NBEA: variants seen among roughly 807,000 people sequenced by gnomAD.
NBEA encodes the protein lysosomal-trafficking regulator 2.
Under a neutral mutation model 343.4 loss-of-function variants are expected in NBEA, and 44 were observed. The ratio of observed to expected loss-of-function variants is 0.13; its 90% CI spans 0.10 to 0.16. The LOEUF (loss-of-function observed/expected upper bound fraction) is 0.16. NBEA is among the 10% of genes least tolerant of loss of function. The pLI, the probability that NBEA is intolerant of heterozygous loss-of-function variation, is 1.00. For missense variants in NBEA, 2,555 were observed against 3,631.3 expected (o/e 0.70, Z 7.62); for synonymous variants, 1,175 against 1,238.7 (o/e 0.95, Z 1.08).
intron 38 of NBEA, among the ~76,000 whole-genome samples, chr13:35,359,830 GTA>G (rs960576809): frequency 8.9e-5 from 12 of 134,102 alleles, no homozygotes; most frequent in Admixed American, 2.1e-4. Context: ...GTGTGTGTGT[GTA>G]TGTGTGTGTG....
intron 40 of NBEA, among the ~76,000 whole-genome samples, chr13:35,468,061 C>A (rs1160203979): frequency 6.0e-5 from 9 of 150,570 alleles, no homozygotes; most frequent in African/African-American, 9.8e-5. Flanking sequence ...CCATCGTTGC[C>A]TTTTAATCAC....
At chr13:35,440,036 C>T (rs371109655) in intron 39 of NBEA, among the ~76,000 whole-genome samples, 3 of 152,132 alleles carry the variant, frequency 2.0e-5, no homozygotes, top group South Asian at 2.1e-4. Flanking sequence ...TGCGCCACCA[C>T]GCGCAGCTAA....
chr13:35,139,057 C>CTT (rs36053692), intron 17 of NBEA, among the ~76,000 whole-genome samples: 11,260 of 97,850 alleles, frequency 0.12, 1,790 homozygotes, highest in South Asian at 0.14. Flanking sequence ...CAAGAAATAT[C>CTT]TTTTTTTTTT....
rs184830837 is a variant in NBEA at position 35,534,006 on chromosome 13, G to T, written c.6586-16471G>T. Among the ~76,000 whole-genome samples the T allele has an allele frequency of 7.4e-3, 1,126 of 152,204 alleles. 8 individuals carry two copies. Among genetic ancestry groups the T allele is most frequent in the South Asian group, 0.012 (57 of 4,816 alleles). On this transcript the variant is annotated intron_variant, in intron 41 of 58. Transcript: ENST00000379939. ...ATTTTAATTTATATTTTATTCACTG[G>T]TTATCATTCCTTTAAAGTTGTCAGG... is the stretch of plus-strand genomic sequence containing the variant.
chr13:35,106,111 C>G (rs1035242049), intron 11 of NBEA, among the ~76,000 whole-genome samples: 7 of 151,880 alleles, frequency 4.6e-5, no homozygotes, highest in African/African-American at 1.7e-4. Flanking sequence ...TATAGTACTT[C>G]TTAAAAATTA....
intron 36 of NBEA, among the ~76,000 whole-genome samples, chr13:35,324,044 A>G (rs1037153707): frequency 1.3e-5 from 2 of 152,222 alleles, no homozygotes; most frequent in African/African-American, 2.4e-5. Context: ...GGTAAGATCA[A>G]CTTGGCAATA....
At chr13:35,060,804 A>C (rs1363239967) in intron 8 of NBEA, among the ~76,000 whole-genome samples, 1 of 151,704 alleles carries the variant, frequency 6.6e-6, no homozygotes. Flanking sequence ...AGTAGTTCAC[A>C]CATTATAGTC....
intron 8 of NBEA, among the ~76,000 whole-genome samples, chr13:35,067,617 C>T (rs1278312547): frequency 6.6e-6 from 1 of 152,120 alleles, no homozygotes; most frequent in African/African-American, 2.4e-5. Flanking sequence ...TCTCATCCAT[C>T]TCCTCCTAGT....
At chr13:35,608,787 G>A (rs561953754) in intron 48 of NBEA, among the ~76,000 whole-genome samples, 1 of 151,978 alleles carries the variant, frequency 6.6e-6, no homozygotes, top group African/African-American at 2.4e-5. Flanking sequence ...CTGATAATAA[G>A]TGCCTCTTAC....
At chr13:35,580,631 G>A (rs2080980361) in intron 45 of NBEA, among the ~76,000 whole-genome samples, 1 of 152,106 alleles carries the variant, frequency 6.6e-6, no homozygotes, top group Non-Finnish European at 1.5e-5. Flanking sequence ...CAAACATTTG[G>A]AAGCTTTTTG....
intron 45 of NBEA, among the ~76,000 whole-genome samples, chr13:35,579,430 T>C (rs2153035118): frequency 6.6e-6 from 1 of 152,234 alleles, no homozygotes; most frequent in African/African-American, 2.4e-5. Flanking sequence ...ATTTTATACC[T>C]GTCCTAAGAA....
At position 35,054,705 on chromosome 13, in the gene NBEA, G is replaced by A. The variant is rs2063188633; in HGVS notation, c.973-1305G>A. Among the ~76,000 whole-genome samples, 2 of 142,408 alleles carry A rather than the reference G, an allele frequency of 1.4e-5. 1 individual carries two copies. Among genetic ancestry groups the A allele is most frequent in the South Asian group, 4.5e-4 (2 of 4,474 alleles). The allele number at this position is 142,408 out of a possible 152,430, so 93.4% of individuals were successfully genotyped here. On this transcript the variant is annotated intron_variant, in intron 6 of 58. Coordinates refer to ENST00000379939, the MANE Select transcript of NBEA (RefSeq NM_001385012.1). Reference sequence around the variant, plus strand: ...GTCGCCCAGGCTGGAGTGCAGTGGTGTGATCTTGGCTCACTGCAACCTCTG... The same window carrying A: ...GTCGCCCAGGCTGGAGTGCAGTGGTATGATCTTGGCTCACTGCAACCTCTG...
intron 41 of NBEA, among the ~76,000 whole-genome samples, chr13:35,538,328 A>G (rs541158116): frequency 6.6e-6 from 1 of 152,368 alleles, no homozygotes; most frequent in Middle Eastern, 3.4e-3. Flanking sequence ...AAGTTTGTGC[A>G]TTGAACTATC....
chr13:35,164,662 T>G (rs2069849363), intron 24 of NBEA, 153 bp downstream of exon 24: 11 of 816,578 alleles, frequency 1.3e-5, no homozygotes, highest in Non-Finnish European at 2.1e-5. Context: ...CCACTTTTGT[T>G]TATCAGTGTT....
chr13:35,095,872 T>C (rs1187794606), intron 10 of NBEA, among the ~76,000 whole-genome samples: 1 of 152,132 alleles, frequency 6.6e-6, no homozygotes, highest in East Asian at 1.9e-4. Flanking sequence ...ACTTGCTTTT[T>C]GGTTTATCCT....
chr13:35,211,832 A>AAATG (rs2073793473), intron 33 of NBEA, among the ~76,000 whole-genome samples: 1 of 151,574 alleles, frequency 6.6e-6, no homozygotes, highest in African/African-American at 2.4e-5. Context: ...ATAAATAAAT[A>AAATG]AATAAACAAA....
chr13:34,980,929 G>T (rs529449963), intron 1 of NBEA, among the ~76,000 whole-genome samples: 1 of 151,892 alleles, frequency 6.6e-6, no homozygotes, highest in African/African-American at 2.4e-5. Context: ...CTTCATTGAG[G>T]TATAATTTAT....
chr13:35,031,082 CA>C (rs2062197079), intron 1 of NBEA, among the ~76,000 whole-genome samples: 1 of 151,662 alleles, frequency 6.6e-6, no homozygotes. Context: ...CAATACTCTA[CA>C]ATTCAAGTGT....
At chr13:35,372,461 G>T (rs1397799194) in intron 38 of NBEA, among the ~76,000 whole-genome samples, 1 of 152,160 alleles carries the variant, frequency 6.6e-6, no homozygotes, top group Non-Finnish European at 1.5e-5. Flanking sequence ...GGCAGATCCA[G>T]GCCAGCAGGA....
Sources: allele counts gnomAD v4.1 joint callset (sites outside exome capture counted in the v4.1 genomes callset), GRCh38; gene constraint gnomAD v4.1.1; transcripts MANE v1.5; gene names NCBI Gene and HGNC (gene_info 2026-07-23, HGNC 2026-07-21).